DNAJB6: variants seen among roughly 807,000 people sequenced by gnomAD.
DNAJB6 encodes dnaJ homolog subfamily B member 6.
DNAJB6 carries 16 observed loss-of-function variants against 42.7 expected under a neutral mutation model. The ratio of observed to expected loss-of-function variants is 0.37; its 90% CI spans 0.25 to 0.57. The LOEUF (loss-of-function observed/expected upper bound fraction) is 0.57, where lower values mean the gene tolerates loss of function less well. Ranked by LOEUF, DNAJB6 falls within the 20% of genes least tolerant of loss-of-function variation. DNAJB6 has a pLI of 0.74. For synonymous variants in DNAJB6, 170 were observed against 163.5 expected, an observed-to-expected ratio of 1.04 and a Z score of -0.30; for missense variants, 347 against 416.8, an observed-to-expected ratio of 0.83 and a Z score of 1.46.
chr7:157,357,260 T>TTCCG (rs1249657525), intron 1 of DNAJB6, among the ~76,000 whole-genome samples: 2 of 71,516 alleles, frequency 2.8e-5, no homozygotes, highest in African/African-American at 5.0e-5. Flanking sequence ...CCTTCCTTCC[T>TTCCG]TCCGTCCTTC....
intron 8 of DNAJB6, among the ~76,000 whole-genome samples, chr7:157,396,620 TGA>T (rs1381538997): frequency 3.3e-5 from 5 of 152,190 alleles, no homozygotes; most frequent in Non-Finnish European, 7.4e-5. Flanking sequence ...GCTCTCAGTG[TGA>T]GAGTCCACTC....
intron 9 of DNAJB6, chr7:157,411,713 G>C (rs1036007862): frequency 3.3e-5 from 5 of 151,852 alleles, no homozygotes; most frequent in African/African-American, 1.2e-4. Context: ...CATGTTTAAA[G>C]TGCGGTGAGG....
At chr7:157,372,861 G>C (rs941121470) in intron 5 of DNAJB6, among the ~76,000 whole-genome samples, 20 of 152,176 alleles carry the variant, frequency 1.3e-4, no homozygotes, top group African/African-American at 4.8e-4. Context: ...TTCCCCAGCT[G>C]TTCTTCTCCC....
At chr7:157,359,633 G>C (rs1255471383) in intron 2 of DNAJB6, among the ~76,000 whole-genome samples, 1 of 152,178 alleles carries the variant, frequency 6.6e-6, no homozygotes, top group African/African-American at 2.4e-5. Context: ...AGACCAGCCT[G>C]GGCAACAAAA....
At chr7:157,350,357 T>C (rs555716506) in intron 1 of DNAJB6, among the ~76,000 whole-genome samples, 1 of 152,224 alleles carries the variant, frequency 6.6e-6, no homozygotes, top group South Asian at 2.1e-4. Context: ...CCCCCAAATA[T>C]CCAAAGGTAA....
At chr7:157,368,087 T>C (rs1799930406) in intron 5 of DNAJB6, among the ~76,000 whole-genome samples, 1 of 152,150 alleles carries the variant, frequency 6.6e-6, no homozygotes, top group Admixed American at 6.5e-5. Context: ...GCACTCCAGC[T>C]TGGGTGACAG....
At chr7:157,382,954 T>G (rs1011190218) in intron 6 of DNAJB6, among the ~76,000 whole-genome samples, 3 of 152,190 alleles carry the variant, frequency 2.0e-5, no homozygotes, top group African/African-American at 7.2e-5. Flanking sequence ...ATCCCACTTT[T>G]CTCTGAAGCT....
intron 5 of DNAJB6, among the ~76,000 whole-genome samples, chr7:157,373,053 C>T (rs140888923): frequency 2.1e-4 from 32 of 152,306 alleles, no homozygotes; most frequent in African/African-American, 7.0e-4. Flanking sequence ...CAGGCATGAG[C>T]CACTGTGCCC....
intron 1 of DNAJB6, among the ~76,000 whole-genome samples, chr7:157,345,840 C>G (rs1477490720): frequency 1.3e-5 from 2 of 152,042 alleles, no homozygotes; most frequent in Non-Finnish European, 2.9e-5. Flanking sequence ...TTGTAGAGCT[C>G]TGATGTGAGT....
At chr7:157,358,954 AG>A (rs1266617307) in intron 2 of DNAJB6, among the ~76,000 whole-genome samples, 2 of 152,186 alleles carry the variant, frequency 1.3e-5, no homozygotes. Flanking sequence ...CCCCTTTGGA[AG>A]GCAGGGGCCC....
At chr7:157,409,479 A>AC (rs1441403609) in intron 8 of DNAJB6, among the ~76,000 whole-genome samples, 2 of 152,230 alleles carry the variant, frequency 1.3e-5, no homozygotes, top group African/African-American at 4.8e-5. Flanking sequence ...GTCAGCCCTG[A>AC]CCGTGATTTC....
At chr7:157,378,392 A>G (rs1800578570) in intron 5 of DNAJB6, 1 of 152,270 alleles carries the variant, frequency 6.6e-6, no homozygotes, top group Non-Finnish European at 1.5e-5. Flanking sequence ...GAATGAGGTG[A>G]GAGGAGGAGG....
chr7:157,363,081 C>A, intron 2 of DNAJB6, 80 bp from the exon 3 acceptor site: 2 of 939,308 alleles, frequency 2.1e-6, no homozygotes, highest in African/African-American at 1.6e-5. Flanking sequence ...AAGCCATTCT[C>A]GTGGTTAATG....
chr7:157,338,142 A>G (rs922074324), intron 1 of DNAJB6, among the ~76,000 whole-genome samples: 1 of 152,214 alleles, frequency 6.6e-6, no homozygotes, highest in African/African-American at 2.4e-5. Flanking sequence ...GAAAAGTTAG[A>G]GTGAAGACCG....
intron 1 of DNAJB6, among the ~76,000 whole-genome samples, chr7:157,349,944 A>G (rs1199804014): frequency 6.6e-6 from 1 of 152,054 alleles, no homozygotes; most frequent in East Asian, 1.9e-4. Context: ...CGCCTGGCCA[A>G]CGCCCGGCTA....
chr7:157,415,635 C>T (rs1315661619), intron 9 of DNAJB6: 3 of 218,488 alleles, frequency 1.4e-5, no homozygotes, highest in East Asian at 1.2e-4. Context: ...CTAGCTCTGC[C>T]GCTGGGCGGA....
intron 8 of DNAJB6, among the ~76,000 whole-genome samples, chr7:157,407,428 T>C (rs1795812277): frequency 1.3e-5 from 2 of 152,228 alleles, no homozygotes; most frequent in South Asian, 4.1e-4. Context: ...AATTTTTTTC[T>C]CAAATGTTCT....
chr7:157,340,588 T>A (rs1175624526), intron 1 of DNAJB6, among the ~76,000 whole-genome samples: 1 of 152,142 alleles, frequency 6.6e-6, no homozygotes, highest in Non-Finnish European at 1.5e-5. Context: ...AAACCCTTTA[T>A]GTTTTTGTAT....
chr7:157,339,776 C>T (rs972647065), intron 1 of DNAJB6: 1 of 152,384 alleles, frequency 6.6e-6, no homozygotes, highest in Non-Finnish European at 1.5e-5. Flanking sequence ...CAGGCATGCG[C>T]CACCACGCCC....
Sources: allele counts gnomAD v4.1 joint callset (sites outside exome capture counted in the v4.1 genomes callset), GRCh38; gene constraint gnomAD v4.1.1; transcripts MANE v1.5; gene names NCBI Gene and HGNC (gene_info 2026-07-23, HGNC 2026-07-21).